The following SLC9A7 variants were observed in gnomAD, a reference collection of about 807,000 sequenced individuals.
The protein encoded by SLC9A7 is solute carrier family 9 member A7, also known as sodium/hydrogen exchanger 7.
SLC9A7 carries 19 observed loss-of-function variants against 52.6 expected under a neutral mutation model. That is an observed-to-expected ratio of 0.36 (90% CI 0.25 to 0.53). The LOEUF (loss-of-function observed/expected upper bound fraction) is 0.53, where lower values mean the gene tolerates loss of function less well. Ranked by LOEUF, SLC9A7 falls within the 20% of genes least tolerant of loss-of-function variation. The probability of loss-of-function intolerance (pLI) is 0.91; values close to 1 mark genes in which losing one functional copy is unlikely to be tolerated. For missense variants in SLC9A7, 455 were observed against 597.9 expected (o/e 0.76, Z 2.49); for synonymous variants, 226 against 252.1 (o/e 0.90, Z 0.98).
chrX:46,623,232 G>A (rs751353094), intron 14 of SLC9A7, among the ~76,000 whole-genome samples: 4 of 111,723 alleles, frequency 3.6e-5, no homozygotes, highest in East Asian at 2.8e-4. Context: ...GAACAGCACC[G>A]GACTGAGGAA....
At position 46,646,454 on chromosome X, in the gene SLC9A7, T is replaced by C. The variant is rs768242381; in HGVS notation, c.1462+2232A>G. ...GGAGAAAAATGGCTGAAATGAAAAA[T>C]GGGAGCCACTGGTACTCATCTGTAG... On this transcript the variant is annotated intron_variant, in intron 11 of 16. Coordinates refer to ENST00000616978, the MANE Select transcript of SLC9A7 (RefSeq NM_001257291.2). 2.5e-3 allele frequency: 295 copies of C among 118,376 alleles called. 1 individual carries two copies. The highest frequency in any genetic ancestry group is 2.1e-3 in the Non-Finnish European group (120 of 57,439). 9.8% of individuals were successfully genotyped at this position (118,376 alleles called of 1,213,427 possible). A position where few individuals can be genotyped will look rare whatever the true frequency, so the allele number is the denominator to read the frequency against.
At chrX:46,752,385 T>C (rs1447237770) in intron 1 of SLC9A7, among the ~76,000 whole-genome samples, 1 of 111,736 alleles carries the variant, frequency 8.9e-6, no homozygotes, top group Admixed American at 9.6e-5. Flanking sequence ...TTTCATGAAC[T>C]AGGAGCCAAT....
intron 5 of SLC9A7, among the ~76,000 whole-genome samples, chrX:46,665,652 T>C (rs766711109): frequency 2.8e-5 from 3 of 108,567 alleles, no homozygotes; most frequent in Admixed American, 9.9e-5. Flanking sequence ...AAAAAGGAAA[T>C]TGCATGCCCT....
intron 3 of SLC9A7, among the ~76,000 whole-genome samples, chrX:46,676,712 G>A (rs926913598): frequency 7.2e-5 from 8 of 111,501 alleles, no homozygotes; most frequent in South Asian, 3.8e-4. Context: ...AAAAAATAAC[G>A]TTATTTATAC....
At chrX:46,728,132 A>G (rs1360520889) in intron 1 of SLC9A7, among the ~76,000 whole-genome samples, 1 of 111,993 alleles carries the variant, frequency 8.9e-6, no homozygotes, top group Admixed American at 9.5e-5. Flanking sequence ...AAAAAGCACA[A>G]GCCATAAAGG....
chrX:46,651,122 G>A lies in SLC9A7; in HGVS notation c.1338C>T (p.Ile446=). 8.3e-7 allele frequency: 1 copy of A among 1,203,541 alleles called. No homozygotes were observed. Among genetic ancestry groups the A allele is most frequent in the Non-Finnish European group, 1.1e-6 (1 of 888,813 alleles). Residue 446 remains isoleucine, a synonymous_variant, in exon 10 of 17, where the codon ATC becomes ATT. Coordinates refer to ENST00000616978, the MANE Select transcript of SLC9A7 (RefSeq NM_001257291.2). ...FQKHVFSPIF[I]IGAFVAIFLG... The stretch of plus-strand genomic sequence containing the variant: ...AAGAAAAGGATACAAAAGCTCCGAT[G>A]ATGAAAATGGGGCTGAAAACGTGCT...
chrX:46,749,443 G>A (rs892397129), intron 1 of SLC9A7, among the ~76,000 whole-genome samples: 2 of 111,521 alleles, frequency 1.8e-5, no homozygotes, highest in African/African-American at 6.5e-5. Flanking sequence ...AGACATGAGA[G>A]CTGCACAGAC....
intron 1 of SLC9A7, among the ~76,000 whole-genome samples, chrX:46,740,021 G>A (rs1213039694): frequency 1.8e-5 from 2 of 111,605 alleles, no homozygotes; most frequent in Admixed American, 1.9e-4. Context: ...GCAGTCAACA[G>A]AGTCCTAGAC....
chrX:46,688,417 G>C (rs1036077719), intron 1 of SLC9A7, among the ~76,000 whole-genome samples: 3 of 110,582 alleles, frequency 2.7e-5, no homozygotes, highest in Non-Finnish European at 5.7e-5. Context: ...GACCAACATG[G>C]AGAAACCCCA....
intron 11 of SLC9A7, among the ~76,000 whole-genome samples, chrX:46,644,781 A>T (rs1401950899): frequency 1.8e-5 from 2 of 112,347 alleles, no homozygotes; most frequent in Non-Finnish European, 3.8e-5. Context: ...CTATTTTGCA[A>T]TTTCACAATT....
chrX:46,664,760 T>C (rs376654713), intron 5 of SLC9A7, among the ~76,000 whole-genome samples: 49 of 110,758 alleles, frequency 4.4e-4, no homozygotes, highest in African/African-American at 1.6e-3. Flanking sequence ...TTTATTTCTA[T>C]ATATTTTTTG....
Position 46,621,114 on chromosome X carries a change from AGGGG to A in SLC9A7, c.1741-59_1741-56del. The A allele has an allele frequency of 9.6e-6, 8 of 835,580 alleles. No homozygotes were observed. In the Admixed American group the frequency reaches 1.3e-4, roughly 14 times the overall value. 68.9% of individuals were successfully genotyped at this position (835,580 alleles called of 1,213,427 possible). ...GTTGTACAAAAGGGATCTCAAAGAAAGGGGAAAAAAAACCTTTTTTAATAACTTG... is the reference window on the plus strand; with the variant it reads ...GTTGTACAAAAGGGATCTCAAAGAAAAAAAAAAACCTTTTTTAATAACTTG... On this transcript the variant is annotated intron_variant, in intron 14 of 16. Transcript: ENST00000616978.
At chrX:46,757,662 G>T (rs1300301339) in intron 1 of SLC9A7, among the ~76,000 whole-genome samples, 1 of 111,661 alleles carries the variant, frequency 9.0e-6, no homozygotes, top group Non-Finnish European at 1.9e-5. Context: ...TTTCGTGTGA[G>T]GATGCCAATT....
rs188410758 is a variant in SLC9A7, at chrX:46,619,144, T to C, written c.1823+1833A>G. On this transcript the variant is annotated intron_variant, in intron 15 of 16. Coordinates refer to ENST00000616978, the MANE Select transcript of SLC9A7 (RefSeq NM_001257291.2). ...AGAAACATACCAAATGGCCAGTAAA[T>C]ATATGCAAAGGTGCTCAACCCTATC... Among the ~76,000 whole-genome samples the C allele has an allele frequency of 1.2e-4, 13 of 111,371 alleles. No individual in the cohort carries two copies. The East Asian group carries it at 3.4e-3, about 29-fold the overall frequency.
intron 1 of SLC9A7, among the ~76,000 whole-genome samples, chrX:46,682,960 A>ATTTTTTTTTTTTTTTTTTTTTTTTTT (rs1169630244): frequency 3.7e-4 from 24 of 64,900 alleles, no homozygotes; most frequent in South Asian, 1.0e-3. Flanking sequence ...CACCCGGCTA[A>ATTTTTTTTTTTTTTTTTTTTTTTTTT]TTTTTTTTTT....
chrX:46,701,312 G>A (rs1195124613), intron 1 of SLC9A7, among the ~76,000 whole-genome samples: 1 of 111,635 alleles, frequency 9.0e-6, no homozygotes, highest in Non-Finnish European at 1.9e-5. Flanking sequence ...TATGGGCCGG[G>A]CGCGGTGGCT....
At chrX:46,707,596 A>C (rs139489792) in intron 1 of SLC9A7, among the ~76,000 whole-genome samples, 2 of 112,594 alleles carry the variant, frequency 1.8e-5, no homozygotes, top group East Asian at 5.6e-4. Context: ...GTGAGACTAA[A>C]TAACCTAGTT....
intron 5 of SLC9A7, among the ~76,000 whole-genome samples, chrX:46,666,067 A>G (rs1392850027): frequency 9.0e-6 from 1 of 111,448 alleles, no homozygotes; most frequent in African/African-American, 3.3e-5. Context: ...TTATTCCTTC[A>G]TATCAGTCAA....
chrX:46,752,097 C>G (rs1204257051), intron 1 of SLC9A7, among the ~76,000 whole-genome samples: 1 of 111,837 alleles, frequency 8.9e-6, no homozygotes, highest in Non-Finnish European at 1.9e-5. Context: ...CACTAGGCAC[C>G]TACATTTAAC....
Sources: gnomAD v4.1 joint callset for allele counts (sites outside exome capture counted in the v4.1 genomes callset) on GRCh38, gnomAD v4.1.1 for gene constraint, MANE v1.5 for transcripts, NCBI Gene and HGNC (gene_info 2026-07-23, HGNC 2026-07-21) for gene names.